The following C9 variants were observed in gnomAD, a reference collection of about 807,000 sequenced individuals.
The protein encoded by C9 is complement C9, also known as complement component C9.
C9 carries 63 observed loss-of-function variants against 65.4 expected under a neutral mutation model. The observed-to-expected ratio is 0.96, with a 90% CI of 0.79 to 1.19. The LOEUF (loss-of-function observed/expected upper bound fraction) is 1.19, where lower values mean the gene tolerates loss of function less well. C9 is among the 50% of genes most tolerant of loss of function. The pLI is 0.00. For missense variants in C9, 744 were observed against 670.1 expected, an observed-to-expected ratio of 1.11 and a Z score of -1.22; for synonymous variants, 229 against 227.9, an observed-to-expected ratio of 1.00 and a Z score of -0.04.
chr5:39,346,612 C>G (rs1260028158), intron 1 of C9, among the ~76,000 whole-genome samples: 3 of 152,094 alleles, frequency 2.0e-5, no homozygotes, highest in Admixed American at 1.3e-4. Context: ...GCTGCTACCA[C>G]TCTTTCTGAA....
rs368349745 is a variant in C9, at chr5:39,349,493, A to T, written c.78-7297T>A. ...CTGGAAGCACATTTATGTCTTTCTG[A>T]CATCCAAAGAACAAGTCTTATCTCC... On this transcript the variant is annotated intron_variant, in intron 1 of 10. Transcript: ENST00000263408. Among the ~76,000 whole-genome samples, 66 of 152,336 alleles carry T rather than the reference A, an allele frequency of 4.3e-4. 1 individual carries two copies. Among genetic ancestry groups the T allele is most frequent in the African/African-American group, 1.4e-3 (57 of 41,580 alleles).
chr5:39,321,097 C>A (rs924137982), intron 5 of C9, among the ~76,000 whole-genome samples: 3 of 151,934 alleles, frequency 2.0e-5, no homozygotes, highest in African/African-American at 7.2e-5. Flanking sequence ...TTATAAAATT[C>A]ACTGGTAAAA....
chr5:39,339,913 C>T (rs1447842859), intron 4 of C9, among the ~76,000 whole-genome samples: 1 of 152,054 alleles, frequency 6.6e-6, no homozygotes, highest in East Asian at 1.9e-4. Flanking sequence ...CCCGCCTCGG[C>T]CTCCCAAATT....
intron 5 of C9, among the ~76,000 whole-genome samples, chr5:39,323,425 T>C (rs956534558): frequency 2.0e-5 from 3 of 149,268 alleles, no homozygotes; most frequent in Non-Finnish European, 4.5e-5. Context: ...TTCAATAAAA[T>C]ATAAACAAAC....
intron 1 of C9, among the ~76,000 whole-genome samples, chr5:39,357,359 G>A (rs976470358): frequency 1.3e-5 from 2 of 152,212 alleles, no homozygotes; most frequent in Non-Finnish European, 2.9e-5. Flanking sequence ...TAACAGCAGT[G>A]TCAAACACTT....
intron 1 of C9, among the ~76,000 whole-genome samples, chr5:39,354,250 T>C (rs1754375924): frequency 6.6e-6 from 1 of 152,226 alleles, no homozygotes; most frequent in South Asian, 2.1e-4. Flanking sequence ...CATCTGGAAC[T>C]GACAGGCCAC....
chr5:39,341,946 A>G (rs1056191990), intron 2 of C9, 145 bp downstream of exon 2: 2 of 705,270 alleles, frequency 2.8e-6, no homozygotes, highest in Non-Finnish European at 5.2e-6. Flanking sequence ...TGGAAAAGTT[A>G]GCAACATACA....
intron 9 of C9, among the ~76,000 whole-genome samples, chr5:39,294,912 G>C (rs1424007070): frequency 6.6e-6 from 1 of 151,640 alleles, no homozygotes; most frequent in Non-Finnish European, 1.5e-5. Context: ...TCAACATATG[G>C]AAATCAATAA....
chr5:39,310,072 C>A (rs1240198430), intron 7 of C9, among the ~76,000 whole-genome samples: 3 of 152,108 alleles, frequency 2.0e-5, no homozygotes, highest in Admixed American at 2.0e-4. Context: ...ACATTACATT[C>A]CACTCCCCCC....
At chr5:39,358,677 T>A (rs1053814444) in intron 1 of C9, among the ~76,000 whole-genome samples, 1 of 151,602 alleles carries the variant, frequency 6.6e-6, no homozygotes, top group Non-Finnish European at 1.5e-5. Context: ...AGCAATCAGG[T>A]TTGGGATATG....
At chr5:39,348,930 C>T (rs1193803633) in intron 1 of C9, among the ~76,000 whole-genome samples, 2 of 143,144 alleles carry the variant, frequency 1.4e-5, no homozygotes, top group Admixed American at 1.5e-4. Context: ...GACGAAAAAC[C>T]AAACATTGCA....
intron 10 of C9, among the ~76,000 whole-genome samples, chr5:39,286,761 C>T (rs1053271748): frequency 8.6e-5 from 13 of 151,562 alleles, no homozygotes; most frequent in African/African-American, 1.9e-4. Context: ...GACTTTAGAC[C>T]GATGAGAGAC....
chr5:39,324,071 T>C (rs1015700589), intron 5 of C9, among the ~76,000 whole-genome samples: 12 of 151,872 alleles, frequency 7.9e-5, no homozygotes, highest in African/African-American at 2.7e-4. Flanking sequence ...TACTACAGAA[T>C]TAAAAAGAAT....
intron 1 of C9, among the ~76,000 whole-genome samples, chr5:39,353,954 TG>T (rs1225070366): frequency 6.6e-6 from 1 of 152,138 alleles, no homozygotes; most frequent in Non-Finnish European, 1.5e-5. Flanking sequence ...CTCTCTAGGG[TG>T]TGATCTCCTG....
intron 1 of C9, among the ~76,000 whole-genome samples, chr5:39,348,099 C>G (rs1420808174): frequency 1.3e-5 from 2 of 152,146 alleles, no homozygotes; most frequent in Admixed American, 1.3e-4. Context: ...CCATTCAGGA[C>G]ATAGGCATGG....
At chr5:39,350,044 G>C (rs700216) in intron 1 of C9, among the ~76,000 whole-genome samples, 1 of 152,242 alleles carries the variant, frequency 6.6e-6, no homozygotes, top group East Asian at 1.9e-4. Flanking sequence ...ATAAAGAAAA[G>C]AGGTTGATTG....
Position 39,327,601 on chromosome 5 carries a change from G to A in C9, c.615+4075C>T, listed in dbSNP as rs11956965. Among the ~76,000 whole-genome samples the A allele has an allele frequency of 2.2e-3, 340 of 152,238 alleles. 2 individuals carry two copies. The highest frequency in any genetic ancestry group is 4.4e-3 in the Non-Finnish European group (300 of 68,014). On this transcript the variant is annotated intron_variant, in intron 5 of 10. Transcript: ENST00000263408. ...TCAAGAGCAAGAAGCAGGAAATTGGGAGTAAGATTGGTTATCAGCTGTAGG... is the reference window on the plus strand; with the variant it reads ...TCAAGAGCAAGAAGCAGGAAATTGGAAGTAAGATTGGTTATCAGCTGTAGG...
At chr5:39,307,393 G>A (rs888148493) in intron 8 of C9, among the ~76,000 whole-genome samples, 2 of 152,100 alleles carry the variant, frequency 1.3e-5, no homozygotes, top group Non-Finnish European at 2.9e-5. Flanking sequence ...TTATAGAAGA[G>A]AAATTGGAAA....
At chr5:39,309,302 G>A (rs1039481794) in intron 7 of C9, among the ~76,000 whole-genome samples, 1 of 151,790 alleles carries the variant, frequency 6.6e-6, no homozygotes, top group Admixed American at 6.6e-5. Context: ...ACGAATTTGT[G>A]ATTATTTGTT....
Sources: allele counts gnomAD v4.1 joint callset (sites outside exome capture counted in the v4.1 genomes callset), GRCh38; gene constraint gnomAD v4.1.1; transcripts MANE v1.5; gene names NCBI Gene and HGNC (gene_info 2026-07-23, HGNC 2026-07-21).